The following BTD variants were observed in gnomAD, a reference collection of about 807,000 sequenced individuals.
BTD encodes biocytinase.
BTD carries 13 observed loss-of-function variants against 17.7 expected under a neutral mutation model. That is an observed-to-expected ratio of 0.74 (90% confidence interval 0.48 to 1.17). The LOEUF is 1.17. Among genes scored for constraint, BTD ranks in the 50% most tolerant of loss-of-function variants. BTD has a pLI of 0.00. For missense variants in BTD, 674 were observed against 650.4 expected (o/e 1.04, Z -0.39); for synonymous variants, 240 against 245.2 (o/e 0.98, Z 0.20).
chr3:15,641,548 GCCCCATCT>G (rs2065509329), intron 2 of BTD, among the ~76,000 whole-genome samples: 2 of 152,290 alleles, frequency 1.3e-5, no homozygotes, highest in Admixed American at 1.3e-4. Flanking sequence ...CCAGTAGTTG[GCCCCATCT>G]CCCCTGGTAT....
chr3:15,644,558 C>A lies in BTD; in HGVS notation c.642C>A (p.Thr214=). 1 of 1,614,086 alleles carries A rather than the reference C, an allele frequency of 6.2e-7. No individual in the cohort carries two copies. The highest frequency in any genetic ancestry group is 1.1e-5 in the South Asian group (1 of 91,074). ...AAGTGGATCTCATCACCTTTGATAC[C>A]CCCTTTGCTGGCAGGTTTGGCATCT... ...PLKVDLITFD[T]PFAGRFGIFT... is the part of the protein sequence containing the mutation. The change falls in exon 4 of 4, where the codon ACC becomes ACA. Residue 214 remains threonine (T), a synonymous_variant. Transcript: ENST00000643237.
exon 4 of BTD, among the ~76,000 whole-genome samples, chr3:15,710,707 G>A (rs182192535): frequency 1.6e-4 from 24 of 152,220 alleles, no homozygotes; most frequent in Non-Finnish European, 1.5e-4. Flanking sequence ...TTTGTTGCTC[G>A]TATGAACCAA....
intron 1 of BTD, among the ~76,000 whole-genome samples, chr3:15,619,472 T>C (rs2064887884): frequency 6.6e-6 from 1 of 152,238 alleles, no homozygotes; most frequent in African/African-American, 2.4e-5. Context: ...AAATTGATTT[T>C]CAAATATTGA....
intron 1 of BTD, chr3:15,602,453 T>G: frequency 5.2e-6 from 2 of 384,020 alleles, no homozygotes; most frequent in Non-Finnish European, 7.2e-6. Flanking sequence ...CCCGATAGCC[T>G]TTTAAAACAT....
rs1467571556 is a variant in BTD, at chr3:15,610,965, A to T, written c.-17+9071A>T. Among the ~76,000 whole-genome samples, 4 of 152,064 alleles carry T rather than the reference A, an allele frequency of 2.6e-5. No individual in the cohort carries two copies. The East Asian group carries it at 7.7e-4, about 29-fold the overall frequency. ...ATGTTGTCAGATTTAGAAAAAAAAA[A>T]AAAAACAGGACTCCAAAACTCCCAG... On this transcript the variant is annotated intron_variant, in intron 1 of 3. Transcript: ENST00000643237.
Position 15,650,260 on chromosome 3 carries a change from T to A in BTD, c.*4772T>A, listed in dbSNP as rs2065779265. Among the ~76,000 whole-genome samples, 1 of 152,196 alleles carries A rather than the reference T, an allele frequency of 6.6e-6. No homozygotes were observed. The highest frequency in any genetic ancestry group is 2.4e-5 in the African/African-American group (1 of 41,442). On this transcript the variant is annotated 3_prime_UTR_variant, in exon 4 of 4. Coordinates refer to ENST00000643237, the MANE Select transcript of BTD (RefSeq NM_001370658.1). ...CGAAACATTATTTCCGTTTGGAAAG[T>A]TTTTTTATTTTTGTGTTCAGTACTG...
At chr3:15,636,276 G>A (rs73817036) in intron 2 of BTD, among the ~76,000 whole-genome samples, 4 of 152,280 alleles carry the variant, frequency 2.6e-5, no homozygotes, top group African/African-American at 4.8e-5. Context: ...TTTGAGGCTC[G>A]TTTCCGGTCT....
intron 1 of BTD, among the ~76,000 whole-genome samples, chr3:15,626,653 T>C (rs192817966): frequency 1.8e-4 from 27 of 152,062 alleles, no homozygotes; most frequent in Non-Finnish European, 2.9e-4. Flanking sequence ...AGCATGCACC[T>C]GTAGTCCCAG....
intron 1 of BTD, among the ~76,000 whole-genome samples, chr3:15,605,956 T>C (rs1159756985): frequency 6.7e-6 from 1 of 148,240 alleles, no homozygotes; most frequent in African/African-American, 2.5e-5. Flanking sequence ...GGTGGGAGAA[T>C]CGTGTGAGCC....
At chr3:15,714,696 C>T, downstream of BTD, 2 of 1,430,902 alleles carry the variant, frequency 1.4e-6, no homozygotes, top group East Asian at 4.7e-5. Context: ...CTACTATATC[C>T]ATAATGTGTA....
chr3:15,690,227 A>G (rs747442272), intron 3 of BTD: 6 of 1,554,988 alleles, frequency 3.9e-6, no homozygotes, highest in Non-Finnish European at 4.3e-6. Context: ...AGGCCTAGAA[A>G]TAAATAAAAA....
chr3:15,623,532 G>A (rs2065000537), intron 1 of BTD, among the ~76,000 whole-genome samples: 1 of 152,096 alleles, frequency 6.6e-6, no homozygotes, highest in South Asian at 2.1e-4. Flanking sequence ...AACATTTTAT[G>A]TGATTTTGTC....
rs755870947 is a variant in BTD, at chr3:15,645,445, T to C, written c.1529T>C (p.Leu510Pro). Reference sequence around the variant, plus strand: ...AGGAAAAGTAGGCTGTCCTCTGGGCTGGTGACGGCGGCTCTCTATGGGCGC... The same window carrying C: ...AGGAAAAGTAGGCTGTCCTCTGGGCCGGTGACGGCGGCTCTCTATGGGCGC... ...FLRKSRLSSGLVTAALYGRLY... is the reference protein window; with the variant it reads ...FLRKSRLSSGPVTAALYGRLY... The change falls in exon 4 of 4, where the codon CTG becomes CCG. Residue 510 changes from leucine (L) to proline (P), a missense_variant. By Grantham distance (98) the Leu-to-Pro change is moderately conservative. Transcript: ENST00000643237. The C allele has an allele frequency of 6.2e-7, 1 of 1,612,688 alleles. No homozygotes were observed. The highest frequency in any genetic ancestry group is 1.1e-5 in the South Asian group (1 of 91,072).
At chr3:15,673,111 A>T (rs561058920) in intron 3 of BTD, among the ~76,000 whole-genome samples, 1 of 152,332 alleles carries the variant, frequency 6.6e-6, no homozygotes, top group East Asian at 1.9e-4. Context: ...CTCTTTGCTT[A>T]GAAAGTTCCT....
rs2065806019 is a variant in BTD at position 15,651,633 on chromosome 3, C to T, written c.*6145C>T. 6.6e-6 allele frequency among the ~76,000 whole-genome samples: 1 copy of T among 152,214 alleles called. No individual in the cohort carries two copies. Among genetic ancestry groups the T allele is most frequent in the African/African-American group, 2.4e-5 (1 of 41,458 alleles). ...TATCCTGTCTCCTCTCTCTTCTCCG[C>T]TCCTGACTCCTGCTGCGGCCTCCCA... On this transcript the variant is annotated 3_prime_UTR_variant, in exon 4 of 4. Transcript: ENST00000643237.
rs2065802635 is a variant in BTD at position 15,651,466 on chromosome 3, A to G, written c.*5978A>G. ...CGACAGCAGGAGCTATGAGCACCCCAGGCCTGAAGGTGTGAAGGGCTGAAA... is the reference window on the plus strand; with the variant it reads ...CGACAGCAGGAGCTATGAGCACCCCGGGCCTGAAGGTGTGAAGGGCTGAAA... On this transcript the variant is annotated 3_prime_UTR_variant, in exon 4 of 4. Transcript: ENST00000643237. Among the ~76,000 whole-genome samples, 1 of 152,206 alleles carries G rather than the reference A, an allele frequency of 6.6e-6. No homozygotes were observed. Among genetic ancestry groups the G allele is most frequent in the Non-Finnish European group, 1.5e-5 (1 of 68,016 alleles).
intron 3 of BTD, among the ~76,000 whole-genome samples, chr3:15,699,479 T>C (rs1221657297): frequency 6.6e-6 from 1 of 152,138 alleles, no homozygotes; most frequent in South Asian, 2.1e-4. Flanking sequence ...GAGAAAATTT[T>C]TGCAATCTAC....
intron 1 of BTD, among the ~76,000 whole-genome samples, chr3:15,616,823 T>A (rs1243911009): frequency 6.6e-6 from 1 of 152,114 alleles, no homozygotes; most frequent in African/African-American, 2.4e-5. Flanking sequence ...TCAGATCTTT[T>A]GCTTATTTTA....
downstream of BTD, among the ~76,000 whole-genome samples, chr3:15,714,999 T>C (rs2072835203): frequency 6.6e-6 from 1 of 152,132 alleles, no homozygotes; most frequent in Non-Finnish European, 1.5e-5. Context: ...CAAGTAAAAG[T>C]GAGTATTAGA....
Sources: gnomAD v4.1 joint callset for allele counts (sites outside exome capture counted in the v4.1 genomes callset) on GRCh38, gnomAD v4.1.1 for gene constraint, MANE v1.5 for transcripts, NCBI Gene and HGNC (gene_info 2026-07-23, HGNC 2026-07-21) for gene names.